Variants in USH2A observed in about 807,000 individuals in gnomAD.
The protein encoded by USH2A is usherin.
A neutral mutation model predicts 538.9 loss-of-function variants in USH2A; 443 were observed. The ratio of observed to expected loss-of-function variants is 0.82; its 90% CI spans 0.76 to 0.89. The LOEUF (loss-of-function observed/expected upper bound fraction) is 0.89. Ranked by LOEUF, USH2A falls within the 40% of genes least tolerant of loss-of-function variation. USH2A has a pLI of 0.00. For missense variants in USH2A, 6,633 were observed against 6,324.8 expected (o/e 1.05, Z -1.65); for synonymous variants, 2,413 against 2,273.5 (o/e 1.06, Z -1.75).
chr1:215,634,535 C>T lies in USH2A; in HGVS notation c.15221G>A (p.Arg5074Lys). 1.2e-6 allele frequency: 2 copies of T among 1,614,208 alleles called. No individual in the cohort carries two copies. Among genetic ancestry groups the T allele is most frequent in the African/African-American group, 1.3e-5 (1 of 75,056 alleles). The change falls in exon 70 of 72, where the codon AGA becomes AAA. Residue 5074 changes from arginine to lysine, a missense_variant. By Grantham distance (26) the Arg-to-Lys change is conservative (BLOSUM62 2). Coordinates refer to ENST00000307340, the MANE Select transcript of USH2A (RefSeq NM_206933.4). ...QRKIHKEPYI[R>K]ERPPLVPLQK... Reference sequence around the variant, plus strand: ...AAGAGGTACCAAGGGAGGTCTTTCTCTGATATATGGCTCTTTGTGGATTTT... The same window carrying T: ...AAGAGGTACCAAGGGAGGTCTTTCTTTGATATATGGCTCTTTGTGGATTTT...
chr1:215,984,783 A>G (rs1667833544), intron 35 of USH2A, among the ~76,000 whole-genome samples: 1 of 152,192 alleles, frequency 6.6e-6, no homozygotes, highest in African/African-American at 2.4e-5. Flanking sequence ...TGCTCCAAAC[A>G]TATTTGTTTG....
chr1:215,721,505 C>G (rs1042387540), intron 61 of USH2A, among the ~76,000 whole-genome samples: 7 of 152,236 alleles, frequency 4.6e-5, no homozygotes, highest in African/African-American at 1.4e-4. Flanking sequence ...CAAGGGAATC[C>G]TGATGGAGCT....
intron 11 of USH2A, among the ~76,000 whole-genome samples, chr1:216,264,985 T>G (rs920580311): frequency 6.6e-6 from 1 of 152,078 alleles, no homozygotes; most frequent in South Asian, 2.1e-4. Context: ...CTAGGAGACG[T>G]GCTTCAGGAC....
intron 30 of USH2A, among the ~76,000 whole-genome samples, chr1:216,056,457 C>A (rs921229648): frequency 2.6e-5 from 4 of 152,108 alleles, no homozygotes; most frequent in Non-Finnish European, 5.9e-5. Context: ...CAAGTCCAGA[C>A]AGCTAAAAAG....
At chr1:216,184,746 GC>G (rs745676987) in intron 20 of USH2A, among the ~76,000 whole-genome samples, 11 of 152,048 alleles carry the variant, frequency 7.2e-5, no homozygotes, top group Middle Eastern at 3.4e-3. Context: ...TATTAAGAGT[GC>G]TTGTTTAATC....
chr1:216,058,977 G>T (rs74143926), intron 30 of USH2A, among the ~76,000 whole-genome samples: 4,079 of 152,218 alleles, frequency 0.027, 206 homozygotes, highest in African/African-American at 0.093. Flanking sequence ...TAGCATGGGT[G>T]CACAGAGAGT....
intron 9 of USH2A, among the ~76,000 whole-genome samples, chr1:216,319,698 T>A (rs548140523): frequency 1.3e-5 from 2 of 151,846 alleles, no homozygotes; most frequent in Admixed American, 1.3e-4. Context: ...AACTGAGGAG[T>A]GGGACTACGT....
chr1:216,149,961 A>G (rs540852204), intron 21 of USH2A, among the ~76,000 whole-genome samples: 4 of 151,968 alleles, frequency 2.6e-5, no homozygotes, highest in African/African-American at 9.7e-5. Context: ...ACTCTCCCCC[A>G]CTTCCCTTAA....
chr1:215,732,471 C>T (rs1660025396), intron 60 of USH2A, among the ~76,000 whole-genome samples: 1 of 151,052 alleles, frequency 6.6e-6, no homozygotes, highest in Admixed American at 6.6e-5. Context: ...TTTCACGGTT[C>T]CATGGCTTTG....
chr1:216,307,167 G>A (rs564344473), intron 9 of USH2A, among the ~76,000 whole-genome samples: 4 of 152,208 alleles, frequency 2.6e-5, no homozygotes, highest in African/African-American at 9.6e-5. Flanking sequence ...ACGAGGGCAG[G>A]TAGAGAAAGG....
At chr1:215,777,902 T>C (rs1661511489) in intron 55 of USH2A, among the ~76,000 whole-genome samples, 1 of 152,204 alleles carries the variant, frequency 6.6e-6, no homozygotes, top group South Asian at 2.1e-4. Flanking sequence ...TGCAAACGTT[T>C]CTTTAAATGA....
intron 44 of USH2A, among the ~76,000 whole-genome samples, chr1:215,862,741 A>G (rs113205956): frequency 9.9e-4 from 151 of 152,298 alleles, no homozygotes; most frequent in African/African-American, 2.9e-3. Context: ...ATTGTTAAAC[A>G]TATATTATTT....
At chr1:216,084,564 C>T (rs1345232559) in intron 25 of USH2A, 134 bp downstream of exon 25, 4 of 870,222 alleles carry the variant, frequency 4.6e-6, no homozygotes, top group Non-Finnish European at 7.1e-6. Context: ...TTTGTGTGCA[C>T]CATTGGAATA....
chr1:216,135,156 TCTCTCTCTCTCACACACACACATACACA>T (rs1558276615), intron 21 of USH2A, among the ~76,000 whole-genome samples: 1 of 139,206 alleles, frequency 7.2e-6, no homozygotes, highest in African/African-American at 3.1e-5. Context: ...TCTCTCTCTC[TCTCTCTCTCTCACACACACACATACACA>T]CACACACACA....
chr1:216,073,323 T>C, intron 27 of USH2A, 23 bp from the exon 28 acceptor site: 1 of 1,534,646 alleles, frequency 6.5e-7, no homozygotes, highest in Non-Finnish European at 8.7e-7. Flanking sequence ...AAGGGATTAG[T>C]ATCGCATAAA....
At chr1:216,142,553 C>T (rs1047267968) in intron 21 of USH2A, among the ~76,000 whole-genome samples, 1 of 152,160 alleles carries the variant, frequency 6.6e-6, no homozygotes, top group African/African-American at 2.4e-5. Context: ...TCTATCTAAT[C>T]TGGAGTGTGG....
chr1:216,000,714 A>G (rs1487158166), intron 32 of USH2A, 152 bp from the exon 33 acceptor site: 28 of 931,696 alleles, frequency 3.0e-5, no homozygotes, highest in Admixed American at 8.5e-5. Flanking sequence ...AATAACATAT[A>G]GGATGCTTCA....
intron 15 of USH2A, among the ~76,000 whole-genome samples, chr1:216,213,078 TTCA>T: frequency 6.6e-6 from 1 of 152,112 alleles, no homozygotes; most frequent in Non-Finnish European, 1.5e-5. Flanking sequence ...TGTACAAGTC[TTCA>T]TCTCCTTGGT....
intron 37 of USH2A, among the ~76,000 whole-genome samples, chr1:215,961,272 G>A (rs1667192913): frequency 6.6e-6 from 1 of 151,704 alleles, no homozygotes; most frequent in Non-Finnish European, 1.5e-5. Context: ...TATGTAAAAT[G>A]TATATATTAT....
Sources: gnomAD v4.1 joint callset for allele counts (sites outside exome capture counted in the v4.1 genomes callset) on GRCh38, gnomAD v4.1.1 for gene constraint, MANE v1.5 for transcripts, NCBI Gene and HGNC (gene_info 2026-07-23, HGNC 2026-07-21) for gene names.